SNX13: variants seen among roughly 807,000 people sequenced by gnomAD.
The protein encoded by SNX13 is sorting nexin-13.
In SNX13, 45 loss-of-function variants were observed where a neutral mutation model predicts 133.6. That is an observed-to-expected ratio of 0.34 (90% CI 0.27 to 0.43). The LOEUF (loss-of-function observed/expected upper bound fraction) is 0.43, where lower values mean the gene tolerates loss of function less well. Among genes scored for constraint, SNX13 ranks in the 20% least tolerant of loss-of-function variants. The probability of loss-of-function intolerance (pLI) is 1.00; values close to 1 mark genes in which losing one functional copy is unlikely to be tolerated. For missense variants in SNX13, 1,032 were observed against 1,145.1 expected (o/e 0.90, Z 1.43); for synonymous variants, 414 against 373.9 (o/e 1.11, Z -1.24).
intron 11 of SNX13, among the ~76,000 whole-genome samples, chr7:17,849,388 C>T (rs1419401915): frequency 6.6e-6 from 1 of 152,186 alleles, no homozygotes; most frequent in Non-Finnish European, 1.5e-5. Flanking sequence ...CATCTCTTAT[C>T]TAGTTTTAAA....
chr7:17,825,181 C>T (rs574592336), intron 17 of SNX13, among the ~76,000 whole-genome samples: 85 of 151,952 alleles, frequency 5.6e-4, no homozygotes, highest in Non-Finnish European at 8.2e-4. Context: ...ATTGAGACTT[C>T]AGTTCCAGTG....
At chr7:17,876,120 C>A (rs1794696447) in intron 5 of SNX13, among the ~76,000 whole-genome samples, 1 of 152,180 alleles carries the variant, frequency 6.6e-6, no homozygotes, top group African/African-American at 2.4e-5. Flanking sequence ...AATTTCTCAG[C>A]CCCAACATAA....
At chr7:17,846,925 C>T (rs1790611758) in intron 11 of SNX13, among the ~76,000 whole-genome samples, 1 of 152,148 alleles carries the variant, frequency 6.6e-6, no homozygotes, top group Non-Finnish European at 1.5e-5. Flanking sequence ...TATATAACTG[C>T]AAATCCGTGG....
At chr7:17,799,301 T>C (rs572126959) in intron 22 of SNX13, 147 bp from the exon 23 acceptor site, 1 of 636,236 alleles carries the variant, frequency 1.6e-6, no homozygotes, top group Non-Finnish European at 2.5e-6. Flanking sequence ...TAAATTCTAA[T>C]GTAGAAAAAA....
chr7:17,832,298 A>G (rs1168109390), intron 15 of SNX13: 3 of 984,504 alleles, frequency 3.0e-6, no homozygotes, highest in Non-Finnish European at 3.6e-6. Flanking sequence ...GGCTAGAAAG[A>G]TATGAATGGA....
chr7:17,885,293 G>C (rs1417033442), intron 5 of SNX13, among the ~76,000 whole-genome samples: 3 of 97,956 alleles, frequency 3.1e-5, no homozygotes, highest in Non-Finnish European at 3.9e-5. Context: ...CAAATCCATA[G>C]AGACAAAAAA....
intron 9 of SNX13, among the ~76,000 whole-genome samples, chr7:17,861,342 TCACACACACACACACACACACACACA>T (rs59119505): frequency 7.0e-6 from 1 of 143,118 alleles, no homozygotes; most frequent in Non-Finnish European, 1.5e-5. Flanking sequence ...TACAGTTATC[TCACACACACACACACACACACACACA>T]CACACACACA....
chr7:17,878,467 A>C (rs1794978070), intron 5 of SNX13, among the ~76,000 whole-genome samples: 1 of 152,180 alleles, frequency 6.6e-6, no homozygotes, highest in South Asian at 2.1e-4. Flanking sequence ...CTAGGAATGC[A>C]AACAACTAAT....
chr7:17,895,942 T>A (rs1013294454), intron 2 of SNX13, among the ~76,000 whole-genome samples: 2 of 152,096 alleles, frequency 1.3e-5, no homozygotes, highest in African/African-American at 4.8e-5. Flanking sequence ...TTTCCTTCAA[T>A]CTTACAAGGG....
At chr7:17,912,457 T>C (rs1799087258) in intron 1 of SNX13, among the ~76,000 whole-genome samples, 1 of 151,988 alleles carries the variant, frequency 6.6e-6, no homozygotes, top group Admixed American at 6.6e-5. Context: ...TTGCCCAGGT[T>C]GGAGTGCCGT....
chr7:17,935,521 A>G (rs759129931), intron 1 of SNX13, among the ~76,000 whole-genome samples: 12 of 152,266 alleles, frequency 7.9e-5, no homozygotes, highest in Non-Finnish European at 1.6e-4. Context: ...AATCAAGGTG[A>G]TATGTTATTC....
In SNX13 at chr7:17,890,531, A is replaced by C. The variant is rs78442018; in HGVS notation, c.319-47T>G. The C allele has an allele frequency of 9.6e-4, 1,400 of 1,456,414 alleles. 11 individuals carry two copies. In the African/African-American group the frequency reaches 0.018, roughly 19 times the overall value. 90.2% of individuals were successfully genotyped at this position (1,456,414 alleles called of 1,614,324 possible). ...AAAAATTACAACATTTTAGGATTTA[A>C]AAAGTTACAGTGGTAAACTAAAAAA... is the stretch of plus-strand genomic sequence containing the variant. On this transcript the variant is annotated intron_variant, in intron 4 of 25. Transcript: ENST00000428135.
At chr7:17,884,591 TCC>T (rs1305782346) in intron 5 of SNX13, among the ~76,000 whole-genome samples, 2 of 152,198 alleles carry the variant, frequency 1.3e-5, no homozygotes, top group East Asian at 3.9e-4. Flanking sequence ...TTAATAGAGT[TCC>T]CACTTGTGAC....
At position 17,890,429 on chromosome 7, in the gene SNX13, T is replaced by A; in HGVS notation, c.374A>T (p.Asp125Val). ...AATTTCAAGAAGAAAAGATTCATCA[T>A]CGCTTAGTGTATAATACCAATACTG... ...YVQYWYYTLSDDESFLLEIRQ... is the reference protein window; with the variant it reads ...YVQYWYYTLSVDESFLLEIRQ... Residue 125 changes from aspartate (D) to valine (V), a missense_variant, in exon 5 of 26, where the codon GAT becomes GTT. Asp to Val is a radical substitution (Grantham distance 152). Transcript: ENST00000428135. 1 of 1,610,620 alleles carries A rather than the reference T, an allele frequency of 6.2e-7. No individual in the cohort carries two copies. The highest frequency in any genetic ancestry group is 8.5e-7 in the Non-Finnish European group (1 of 1,177,518).
intron 11 of SNX13, among the ~76,000 whole-genome samples, chr7:17,848,618 T>G (rs966421158): frequency 6.6e-6 from 1 of 152,212 alleles, no homozygotes; most frequent in Non-Finnish European, 1.5e-5. Context: ...CCAGTGCTAA[T>G]GCATCGGCCA....
At chr7:17,870,479 G>A (rs1005442395) in intron 8 of SNX13, among the ~76,000 whole-genome samples, 1 of 152,070 alleles carries the variant, frequency 6.6e-6, no homozygotes, top group Non-Finnish European at 1.5e-5. Flanking sequence ...CAACCAAAAA[G>A]TAATAAAATA....
Position 17,913,386 on chromosome 7 carries a change from C to A in SNX13, c.13-15940G>T, listed in dbSNP as rs540416847. On this transcript the variant is annotated intron_variant, in intron 1 of 25. Transcript: ENST00000428135. The stretch of plus-strand genomic sequence containing the variant: ...TAGACTTCTCCAGAAGCTTCACCCT[C>A]ACCAAAGGTGAGCACACCCTCACCA... Among the ~76,000 whole-genome samples, 21 of 152,282 alleles carry A rather than the reference C, an allele frequency of 1.4e-4. No homozygotes were observed. In the South Asian group the frequency reaches 4.1e-3, roughly 30 times the overall value.
intron 9 of SNX13, among the ~76,000 whole-genome samples, chr7:17,861,456 A>G (rs1263919512): frequency 6.6e-6 from 1 of 152,088 alleles, no homozygotes; most frequent in Non-Finnish European, 1.5e-5. Flanking sequence ...CAGCTGTCAC[A>G]CTAACGTAAT....
At chr7:17,860,376 A>G (rs903587387) in intron 9 of SNX13, among the ~76,000 whole-genome samples, 59 of 152,202 alleles carry the variant, frequency 3.9e-4, no homozygotes, top group African/African-American at 1.4e-3. Context: ...TATATGATGG[A>G]TGTTAATTCC....
Sources: allele counts gnomAD v4.1 joint callset (sites outside exome capture counted in the v4.1 genomes callset), GRCh38; gene constraint gnomAD v4.1.1; transcripts MANE v1.5; gene names NCBI Gene and HGNC (gene_info 2026-07-23, HGNC 2026-07-21).